BUB1: variants seen among roughly 807,000 people sequenced by gnomAD.
The protein encoded by BUB1 is BUB1 mitotic checkpoint serine/threonine kinase.
In BUB1, 84 loss-of-function variants were observed where a neutral mutation model predicts 135.2. That is an observed-to-expected ratio of 0.62 (90% CI 0.52 to 0.74). BUB1 has a LOEUF of 0.74. BUB1 is among the 30% of genes least tolerant of loss of function. BUB1 has a pLI of 0.00. For missense variants in BUB1, 1,162 were observed against 1,288.3 expected, an observed-to-expected ratio of 0.90 and a Z score of 1.50; for synonymous variants, 403 against 434.4, an observed-to-expected ratio of 0.93 and a Z score of 0.90.
intron 5 of BUB1, 97 bp downstream of exon 5, chr2:110,670,427 CA>C: frequency 7.1e-7 from 1 of 1,403,910 alleles, no homozygotes; most frequent in Non-Finnish European, 1.0e-6. Flanking sequence ...TGTGAGCCAC[CA>C]TGCCCAGCCG....
At chr2:110,657,208 C>G in intron 14 of BUB1, 91 bp from the exon 15 acceptor site, 1 of 1,046,176 alleles carries the variant, frequency 9.6e-7, no homozygotes, top group Non-Finnish European at 1.4e-6. Context: ...TCTACTTATC[C>G]TATTTAATGA....
Position 110,653,576 on chromosome 2 carries a change from AAC to A in BUB1, c.1877-55_1877-54del. 3 of 1,396,042 alleles carry A rather than the reference AAC, an allele frequency of 2.1e-6. No homozygotes were observed. The South Asian group carries it at 3.5e-5, about 16-fold the overall frequency. The allele number at this position is 1,396,042 out of a possible 1,614,324, so 86.5% of individuals were successfully genotyped here. A position where few individuals can be genotyped will look rare whatever the true frequency, so the allele number is the denominator to read the frequency against. On this transcript the variant is annotated intron_variant, in intron 16 of 24. Coordinates refer to ENST00000302759, the MANE Select transcript of BUB1 (RefSeq NM_004336.5). ...ATATGTTAGATGCACATGTGTGCACAACACACACCATTTGATATGGTTACAAA... is the reference window on the plus strand; with the variant it reads ...ATATGTTAGATGCACATGTGTGCACAACACACCATTTGATATGGTTACAAA...
intron 5 of BUB1, 87 bp from the exon 6 acceptor site, chr2:110,669,640 C>A: frequency 2.5e-6 from 2 of 794,232 alleles, no homozygotes; most frequent in South Asian, 3.3e-5. Flanking sequence ...CCTGATCCTT[C>A]CAGTAGGAAT....
chr2:110,671,842 C>T (rs192942865), intron 4 of BUB1, among the ~76,000 whole-genome samples: 2 of 152,310 alleles, frequency 1.3e-5, no homozygotes, highest in Admixed American at 6.5e-5. Context: ...GGTTTTCTTT[C>T]GTTTTCTGTA....
At chr2:110,670,913 T>C (rs1690402081) in intron 4 of BUB1, among the ~76,000 whole-genome samples, 2 of 152,196 alleles carry the variant, frequency 1.3e-5, no homozygotes, top group Non-Finnish European at 2.9e-5. Flanking sequence ...CTTTATACAT[T>C]TGGAACATAA....
chr2:110,650,779 A>T lies in BUB1; in HGVS notation c.1970T>A (p.Ile657Asn), dbSNP rs1689765143. ...VPSRDGKFSP[I>N]QEKSPKQALS... is the part of the protein sequence containing the mutation. ...GGCCTGTTTTGGGCTTTTCTCTTGA[A>T]TTGGACTGGACGTGTGAAAGGAATA... Residue 657 changes from isoleucine (I) to asparagine (N), a missense_variant, in exon 18 of 25, where the codon ATT (isoleucine) becomes AAT (asparagine). By Grantham distance (149) the Ile-to-Asn change is moderately radical (BLOSUM62 -3). Coordinates refer to ENST00000302759, the MANE Select transcript of BUB1 (RefSeq NM_004336.5). 6.2e-7 allele frequency: 1 copy of T among 1,613,476 alleles called. No homozygotes were observed. Among genetic ancestry groups the T allele is most frequent in the Non-Finnish European group, 8.5e-7 (1 of 1,179,438 alleles).
chr2:110,657,416 C>G, intron 14 of BUB1, 130 bp downstream of exon 14: 1 of 672,526 alleles, frequency 1.5e-6, no homozygotes, highest in South Asian at 3.0e-5. Flanking sequence ...GCAACACCCC[C>G]CTGGTTGTGT....
intron 19 of BUB1, among the ~76,000 whole-genome samples, chr2:110,643,855 TG>T (rs1689568112): frequency 6.6e-6 from 1 of 150,820 alleles, no homozygotes; most frequent in South Asian, 2.1e-4. Flanking sequence ...AGGGTTCTAA[TG>T]AAAAAGGTAG....
chr2:110,645,268 C>A (rs1001407726), intron 19 of BUB1, among the ~76,000 whole-genome samples: 1 of 150,842 alleles, frequency 6.6e-6, no homozygotes, highest in African/African-American at 2.4e-5. Flanking sequence ...ACCCTGTCTC[C>A]AAAAAAAATA....
intron 17 of BUB1, among the ~76,000 whole-genome samples, chr2:110,652,420 T>A (rs891082298): frequency 1.3e-5 from 2 of 152,234 alleles, no homozygotes; most frequent in African/African-American, 2.4e-5. Context: ...TGCTCTCTAA[T>A]GTTCCTAAGC....
At chr2:110,668,771 A>T (rs549979961) in intron 6 of BUB1, among the ~76,000 whole-genome samples, 1 of 152,346 alleles carries the variant, frequency 6.6e-6, no homozygotes, top group Admixed American at 6.5e-5. Flanking sequence ...GGATGCAGTT[A>T]CATTTATTGG....
intron 4 of BUB1, among the ~76,000 whole-genome samples, chr2:110,672,397 A>G (rs1290781564): frequency 1.3e-5 from 2 of 152,234 alleles, no homozygotes; most frequent in African/African-American, 4.8e-5. Flanking sequence ...ATGTATAACT[A>G]GACATACAAT....
chr2:110,639,411 AAAAAAAG>A (rs917669414), intron 24 of BUB1, among the ~76,000 whole-genome samples: 1 of 151,672 alleles, frequency 6.6e-6, no homozygotes. Context: ...AAAAAAAAGA[AAAAAAAG>A]AAAAAAGAAA....
chr2:110,669,365 G>A (rs986887872), intron 6 of BUB1, 88 bp downstream of exon 6: 1 of 894,194 alleles, frequency 1.1e-6, no homozygotes, highest in African/African-American at 1.6e-5. Flanking sequence ...TCAAAGAAAT[G>A]AGATGTCAAA....
intron 1 of BUB1, among the ~76,000 whole-genome samples, chr2:110,675,652 T>G (rs1420808738): frequency 6.6e-6 from 1 of 152,114 alleles, no homozygotes; most frequent in Non-Finnish European, 1.5e-5. Context: ...AATATGTATT[T>G]TTATTTTTAT....
At chr2:110,666,856 C>T (rs543199750) in intron 8 of BUB1, among the ~76,000 whole-genome samples, 1 of 152,156 alleles carries the variant, frequency 6.6e-6, no homozygotes, top group Non-Finnish European at 1.5e-5. Flanking sequence ...TGTGGTCAGT[C>T]CCATTTCCAA....
intron 10 of BUB1, among the ~76,000 whole-genome samples, chr2:110,660,576 T>C (rs955703339): frequency 3.3e-5 from 5 of 152,228 alleles, no homozygotes; most frequent in South Asian, 2.1e-4. Flanking sequence ...AGGAAAAGAA[T>C]TCTTACAGAA....
chr2:110,664,477 C>T (rs188186563), intron 9 of BUB1, among the ~76,000 whole-genome samples: 46 of 152,144 alleles, frequency 3.0e-4, no homozygotes, highest in Non-Finnish European at 4.9e-4. Context: ...GAACATTGTG[C>T]CCAACCAAAT....
intron 1 of BUB1, chr2:110,676,608 A>G (rs1027840187): frequency 2.0e-5 from 3 of 152,232 alleles, no homozygotes; most frequent in African/African-American, 7.2e-5. Flanking sequence ...ATTAGGGTAC[A>G]TGAAGTATTA....
Sources: gnomAD v4.1 joint callset for allele counts (sites outside exome capture counted in the v4.1 genomes callset) on GRCh38, gnomAD v4.1.1 for gene constraint, MANE v1.5 for transcripts, NCBI Gene and HGNC (gene_info 2026-07-23, HGNC 2026-07-21) for gene names.